TLE5: variants seen among roughly 807,000 people sequenced by gnomAD.
The protein encoded by TLE5 is TLE family member 5, transcriptional modulator.
In TLE5, 7 loss-of-function variants were observed where a neutral mutation model predicts 25.8. The ratio of observed to expected loss-of-function variants is 0.27; its 90% confidence interval spans 0.15 to 0.51. The LOEUF (loss-of-function observed/expected upper bound fraction) is 0.51, where lower values mean the gene tolerates loss of function less well. TLE5 is among the 20% of genes least tolerant of loss of function. TLE5 has a pLI of 0.97. For missense variants in TLE5, 149 were observed against 250.7 expected, an observed-to-expected ratio of 0.59 and a Z score of 2.74; for synonymous variants, 132 against 110.5, an observed-to-expected ratio of 1.20 and a Z score of -1.22.
rs577626493 is a variant in TLE5 at position 3,061,419 on chromosome 19, C to T, written c.28-162G>A. On this transcript the variant is annotated intron_variant, in intron 1 of 6. Coordinates refer to ENST00000327141, the MANE Select transcript of TLE5 (RefSeq NM_001130.6). ...GGCGCGACCCCACCCGCGCTTCCTG[C>T]CCCCCGCCTCTCCCGGGGGAAGCCG... 23 of 455,738 alleles carry T rather than the reference C, an allele frequency of 5.0e-5. No individual in the cohort carries two copies. The South Asian group carries it at 5.5e-4, about 11-fold the overall frequency. 28.2% of individuals were successfully genotyped at this position (455,738 alleles called of 1,614,324 possible).
In TLE5 at chr19:3,062,053, G is replaced by T. The variant is rs948038043; in HGVS notation, c.27+121C>A. 4.9e-3 allele frequency: 1,352 copies of T among 273,804 alleles called. 10 individuals are homozygous for T. The highest frequency in any genetic ancestry group is 7.9e-3 in the Middle Eastern group (6 of 756). The allele number at this position is 273,804 out of a possible 1,614,324, so 17.0% of individuals were successfully genotyped here. A position where few individuals can be genotyped will look rare whatever the true frequency, so the allele number is the denominator to read the frequency against. ...GGGAAGACAGGGCCGGGGAGTTGGG[G>T]GGGGCGCCGGGCCGGAGGCACCGGG... On this transcript the variant is annotated intron_variant, in intron 1 of 6. Coordinates refer to ENST00000327141, the MANE Select transcript of TLE5 (RefSeq NM_001130.6).
At chr19:3,056,172 G>A (rs1021939316) in intron 4 of TLE5, 140 bp downstream of exon 4, 3 of 582,466 alleles carry the variant, frequency 5.2e-6, no homozygotes, top group African/African-American at 4.0e-5. Context: ...GGGCTTAGGA[G>A]GTAACAGGAT....
At chr19:3,057,442 G>GCCGGTCT in intron 3 of TLE5, 1 of 545,178 alleles carries the variant, frequency 1.8e-6, no homozygotes. Flanking sequence ...CGGGGGACCT[G>GCCGGTCT]GCAGGGCCGG....
rs990199468 is a variant in TLE5 at position 3,060,328 on chromosome 19, C to CTTTTTTTT, written c.125+824_125+831dup. Among the ~76,000 whole-genome samples, 424 of 93,178 alleles carry CTTTTTTTT rather than the reference C, an allele frequency of 4.6e-3. 17 individuals are homozygous for CTTTTTTTT. Among genetic ancestry groups the CTTTTTTTT allele is most frequent in the African/African-American group, 0.017 (385 of 22,980 alleles). 61.1% of individuals were successfully genotyped at this position (93,178 alleles called of 152,430 possible). A position where few individuals can be genotyped will look rare whatever the true frequency, so the allele number is the denominator to read the frequency against. On this transcript the variant is annotated intron_variant, in intron 2 of 6. Transcript: ENST00000327141. ...TGGGCTTAAGTTTCTTTTTTTCTTT[C>CTTTTTTTT]TTTTTTTTTTTTTTTTTTTTTTTTG...
chr19:3,056,317 T>C lies in TLE5; in HGVS notation c.229A>G (p.Lys77Glu). The change falls in exon 4 of 7, where the codon AAA (lysine) becomes GAA (glutamate). Residue 77 changes from lysine (K) to glutamate (E), a missense_variant. Physicochemically the swap from Lys to Glu is moderately conservative, Grantham distance 56 (BLOSUM62 1). Transcript: ENST00000327141. ...MSYGLNIEMH[K>E]QAEIVKRLNG... ...GGAGGAGGAGATGGGCGTACCTGTT[T>C]GTGCATCTCGATGTTCAAGCCGTAG... The C allele has an allele frequency of 6.8e-7, 1 of 1,477,066 alleles. No individual in the cohort carries two copies. Among genetic ancestry groups the C allele is most frequent in the Non-Finnish European group, 9.0e-7 (1 of 1,106,580 alleles). 91.5% of individuals were successfully genotyped at this position (1,477,066 alleles called of 1,614,324 possible).
chr19:3,059,801 A>G (rs115167655), intron 2 of TLE5, among the ~76,000 whole-genome samples: 2,606 of 152,232 alleles, frequency 0.017, 85 homozygotes, highest in African/African-American at 0.06. Context: ...CCCGGGGCTC[A>G]CCAGGCGGTA....
chr19:3,058,665 C>T (rs562792450), intron 2 of TLE5, among the ~76,000 whole-genome samples: 1 of 152,176 alleles, frequency 6.6e-6, no homozygotes. Context: ...CAGGCCCTCC[C>T]GGGAAGGATG....
At chr19:3,062,902 T>G (rs2090285046), upstream of TLE5, 4 of 1,172,494 alleles carry the variant, frequency 3.4e-6, no homozygotes, top group East Asian at 1.1e-4. Context: ...GCCGCCTTCC[T>G]GAGGGAAGCC....
rs1428764196 is a variant in TLE5, at chr19:3,062,340, C to T, written c.-140G>A. 9.8e-5 allele frequency: 96 copies of T among 977,892 alleles called. No homozygotes were observed. The highest frequency in any genetic ancestry group is 1.2e-4 in the Non-Finnish European group (96 of 826,672). The allele number at this position is 977,892 out of a possible 1,614,324, so 60.6% of individuals were successfully genotyped here. On this transcript the variant is annotated 5_prime_UTR_variant, in exon 1 of 7. Transcript: ENST00000327141. ...CGCCGCCGCCTCCCGCGCCCGGCCTCGCCCGCTTCCTGCGCCCCCTCCCCG... is the reference window on the plus strand; with the variant it reads ...CGCCGCCGCCTCCCGCGCCCGGCCTTGCCCGCTTCCTGCGCCCCCTCCCCG...
Position 3,054,255 on chromosome 19 carries a change from G to A in TLE5, c.298-61C>T, listed in dbSNP as rs375606010. ...TCCTCCTGATCCTGGGAGAGGAGAGGGGGACGGCCCTGAGGCCAGGAGGAG... is the reference window on the plus strand; with the variant it reads ...TCCTCCTGATCCTGGGAGAGGAGAGAGGGACGGCCCTGAGGCCAGGAGGAG... On this transcript the variant is annotated intron_variant, in intron 5 of 6. Coordinates refer to ENST00000327141, the MANE Select transcript of TLE5 (RefSeq NM_001130.6). The A allele has an allele frequency of 3.2e-6, 5 of 1,543,288 alleles. No individual in the cohort carries two copies. The East Asian group carries it at 6.9e-5, about 21-fold the overall frequency.
chr19:3,054,086 T>TCCGGGGGGCCCCCCC, intron 6 of TLE5, 34 bp downstream of exon 6: 1 of 1,512,816 alleles, frequency 6.6e-7, no homozygotes, highest in Non-Finnish European at 8.9e-7. Context: ...GGCCCACCTG[T>TCCGGGGGGCCCCCCC]CCCCCGCCCA....
chr19:3,054,262 G>A, intron 5 of TLE5, 68 bp from the exon 6 acceptor site: 1 of 1,490,262 alleles, frequency 6.7e-7, no homozygotes, highest in Non-Finnish European at 9.2e-7. Context: ...GAGGGGGACG[G>A]CCCTGAGGCC....
intron 5 of TLE5, chr19:3,054,977 C>T (rs2090204797): frequency 6.6e-6 from 1 of 152,340 alleles, no homozygotes; most frequent in Non-Finnish European, 1.5e-5. Context: ...AGGAGATGGG[C>T]CTTACATGGC....
At chr19:3,062,073 ACCGGGCCTGGGGGTTGGGGGGCGCGGGG>A in intron 1 of TLE5, 73 bp downstream of exon 1, 1 of 318,496 alleles carries the variant, frequency 3.1e-6, no homozygotes, top group Non-Finnish European at 3.8e-6. Context: ...GGCCGGAGGC[ACCGGGCCTGGGGGTTGGGGGGCGCGGGG>A]CCGGGAGCCG....
chr19:3,058,163 C>T (rs1209293910), intron 2 of TLE5, among the ~76,000 whole-genome samples: 3 of 152,078 alleles, frequency 2.0e-5, no homozygotes, highest in African/African-American at 7.2e-5. Flanking sequence ...GTGATGAAAC[C>T]ACCCTTGCAG....
Position 3,057,657 on chromosome 19 carries a change from C to T in TLE5, c.189+22G>A, listed in dbSNP as rs201406195. 238 of 1,610,990 alleles carry T rather than the reference C, an allele frequency of 1.5e-4. 1 individual carries two copies. The East Asian group carries it at 3.5e-3, about 23-fold the overall frequency. On this transcript the variant is annotated intron_variant, in intron 3 of 6. Coordinates refer to ENST00000327141, the MANE Select transcript of TLE5 (RefSeq NM_001130.6). Reference sequence around the variant, plus strand: ...CCTGTCGCCCGCCCCCAACACTGGACCTGGGGGCGGAGTGACGTTACCATC... The same window carrying T: ...CCTGTCGCCCGCCCCCAACACTGGATCTGGGGGCGGAGTGACGTTACCATC...
intron 3 of TLE5, 175 bp from the exon 4 acceptor site, chr19:3,056,531 C>G (rs1372149081): frequency 1.6e-6 from 1 of 614,372 alleles, no homozygotes; most frequent in East Asian, 3.0e-5. Context: ...GGGAGAGACG[C>G]CCACACCCAG....
chr19:3,061,893 G>C (rs1413146433), intron 1 of TLE5, among the ~76,000 whole-genome samples: 2 of 144,028 alleles, frequency 1.4e-5, no homozygotes, highest in Non-Finnish European at 3.1e-5. Flanking sequence ...GGTTGGGGGG[G>C]GGGGGCGCCA....
intron 1 of TLE5, 25 bp from the exon 2 acceptor site, chr19:3,061,282 C>T: frequency 6.3e-7 from 1 of 1,586,954 alleles, no homozygotes; most frequent in Non-Finnish European, 8.6e-7. Flanking sequence ...CGGCCCGGGT[C>T]AGGCCCAGGC....
Sources: gnomAD v4.1 joint callset for allele counts (sites outside exome capture counted in the v4.1 genomes callset) on GRCh38, gnomAD v4.1.1 for gene constraint, MANE v1.5 for transcripts, NCBI Gene and HGNC (gene_info 2026-07-23, HGNC 2026-07-21) for gene names.